The following NAALADL2 variants were observed in gnomAD, a reference collection of about 807,000 sequenced individuals.
The protein encoded by NAALADL2 is inactive N-acetylated-alpha-linked acidic dipeptidase-like protein 2.
NAALADL2 carries 76 observed loss-of-function variants against 87.2 expected under a neutral mutation model. The ratio of observed to expected loss-of-function variants is 0.87; its 90% CI spans 0.72 to 1.05. The LOEUF is 1.05. Ranked by LOEUF, NAALADL2 falls within the 50% of genes least tolerant of loss-of-function variation. NAALADL2 has a pLI of 0.00. For missense variants in NAALADL2, 1,089 were observed against 945.8 expected (o/e 1.15, Z -1.99); for synonymous variants, 354 against 331.0 (o/e 1.07, Z -0.75).
chr3:175,745,272 C>T (rs1289598408), intron 12 of NAALADL2, among the ~76,000 whole-genome samples: 1 of 152,118 alleles, frequency 6.6e-6, no homozygotes, highest in Admixed American at 6.5e-5. Context: ...ATGCCAAGCA[C>T]ATAATGGAGA....
chr3:175,241,532 C>A (rs557145369), intron 3 of NAALADL2, among the ~76,000 whole-genome samples: 1 of 152,212 alleles, frequency 6.6e-6, no homozygotes, highest in East Asian at 1.9e-4. Context: ...TTAATTACTT[C>A]TTTCATATTT....
At chr3:175,497,732 A>G (rs1017824886) in intron 9 of NAALADL2, among the ~76,000 whole-genome samples, 2 of 152,102 alleles carry the variant, frequency 1.3e-5, no homozygotes, top group Non-Finnish European at 2.9e-5. Context: ...CTACTATTTT[A>G]GTTAGAAAGT....
intron 9 of NAALADL2, 34 bp downstream of exon 9, chr3:175,471,792 G>C (rs775254042): frequency 3.9e-6 from 6 of 1,546,026 alleles, no homozygotes; most frequent in Middle Eastern, 1.7e-4. Flanking sequence ...AAATGATTAT[G>C]CAAAACCGAC....
chr3:175,169,832 T>C (rs1439023362), intron 2 of NAALADL2, among the ~76,000 whole-genome samples: 1 of 151,814 alleles, frequency 6.6e-6, no homozygotes, highest in East Asian at 1.9e-4. Flanking sequence ...TGGAGACACA[T>C]ATTTGTTAAG....
Position 175,310,933 on chromosome 3 carries a change from G to GA in NAALADL2, c.940-13232dup, listed in dbSNP as rs367981120. 8.4e-3 allele frequency among the ~76,000 whole-genome samples: 1,233 copies of GA among 146,994 alleles called. 17 individuals are homozygous for GA. The highest frequency in any genetic ancestry group is 0.028 in the African/African-American group (1,111 of 40,226). On this transcript the variant is annotated intron_variant, in intron 4 of 13. Transcript: ENST00000454872. ...CAAAAGAAGCAGCATGTCTACAGATGAAAAAAAAAAGTGCATGCAGTTGAT... is the reference window on the plus strand; with the variant it reads ...CAAAAGAAGCAGCATGTCTACAGATGAAAAAAAAAAAGTGCATGCAGTTGAT...
At chr3:174,871,925 C>T (rs1727877401) in intron 1 of NAALADL2, among the ~76,000 whole-genome samples, 1 of 146,290 alleles carries the variant, frequency 6.8e-6, no homozygotes, top group South Asian at 2.1e-4. Context: ...TAAATAAATA[C>T]CTTGTTTTAA....
At chr3:175,372,554 T>G (rs1316207430) in intron 5 of NAALADL2, among the ~76,000 whole-genome samples, 1 of 152,244 alleles carries the variant, frequency 6.6e-6, no homozygotes, top group Non-Finnish European at 1.5e-5. Context: ...ATTGTAATAT[T>G]CCACTTGGAG....
chr3:175,361,125 T>C (rs1012621596), intron 5 of NAALADL2, among the ~76,000 whole-genome samples: 1 of 152,030 alleles, frequency 6.6e-6, no homozygotes, highest in Non-Finnish European at 1.5e-5. Flanking sequence ...GGTGTTTGGT[T>C]TTCTGTCCTT....
intron 9 of NAALADL2, among the ~76,000 whole-genome samples, chr3:175,557,574 G>C (rs1235019999): frequency 6.6e-6 from 1 of 151,932 alleles, no homozygotes; most frequent in Non-Finnish European, 1.5e-5. Context: ...CCAGCCTCTG[G>C]TAACCATCCT....
At chr3:175,644,560 T>C (rs1729740627) in intron 11 of NAALADL2, among the ~76,000 whole-genome samples, 1 of 152,154 alleles carries the variant, frequency 6.6e-6, no homozygotes, top group Non-Finnish European at 1.5e-5. Context: ...TGTAGATGTA[T>C]AGGCTTGTTT....
chr3:174,632,720 G>T (rs1367027568), intron 2 of NAALADL2, among the ~76,000 whole-genome samples: 1 of 151,970 alleles, frequency 6.6e-6, no homozygotes, highest in Non-Finnish European at 1.5e-5. Context: ...CAGATTGCGA[G>T]GTCAGGAGAT....
intron 3 of NAALADL2, among the ~76,000 whole-genome samples, chr3:174,800,458 C>A (rs773338579): frequency 1.3e-5 from 2 of 152,202 alleles, no homozygotes. Context: ...GGTTTGGGAA[C>A]CTCCACCTAG....
At chr3:175,767,480 T>C (rs1748871920) in intron 13 of NAALADL2, 1 of 152,108 alleles carries the variant, frequency 6.6e-6, no homozygotes, top group Non-Finnish European at 1.5e-5. Flanking sequence ...AATCTAGATA[T>C]TCAAATTAGG....
At chr3:175,106,542 A>C (rs1723191322) in intron 2 of NAALADL2, among the ~76,000 whole-genome samples, 1 of 152,112 alleles carries the variant, frequency 6.6e-6, no homozygotes, top group Non-Finnish European at 1.5e-5. Context: ...CAAGGGAATA[A>C]CAAATGTTTT....
chr3:175,646,923 C>T (rs1438372722), intron 11 of NAALADL2, among the ~76,000 whole-genome samples: 1 of 151,994 alleles, frequency 6.6e-6, no homozygotes, highest in East Asian at 1.9e-4. Context: ...ACAAGGAGTT[C>T]AAAAGTCTCA....
At chr3:175,510,793 G>C (rs780939669) in intron 9 of NAALADL2, among the ~76,000 whole-genome samples, 5 of 151,970 alleles carry the variant, frequency 3.3e-5, no homozygotes, top group Non-Finnish European at 7.4e-5. Flanking sequence ...TTAAATCCCA[G>C]GTCTCCCACT....
At chr3:175,266,611 T>C (rs1411717754) in intron 4 of NAALADL2, among the ~76,000 whole-genome samples, 3 of 151,754 alleles carry the variant, frequency 2.0e-5, no homozygotes, top group Non-Finnish European at 4.4e-5. Context: ...CATAAGTAGA[T>C]AAAATACTCC....
intron 11 of NAALADL2, among the ~76,000 whole-genome samples, chr3:175,731,292 G>C (rs1743705616): frequency 6.6e-6 from 1 of 152,114 alleles, no homozygotes; most frequent in Admixed American, 6.6e-5. Flanking sequence ...GTGAGAATTA[G>C]AGAGAATGAT....
At chr3:174,885,786 A>G (rs1262391288) in intron 1 of NAALADL2, among the ~76,000 whole-genome samples, 1 of 151,096 alleles carries the variant, frequency 6.6e-6, no homozygotes, top group Admixed American at 6.6e-5. Flanking sequence ...GTCTAGCAGT[A>G]ACTAGCATAA....
Sources: gnomAD v4.1 joint callset for allele counts (sites outside exome capture counted in the v4.1 genomes callset) on GRCh38, gnomAD v4.1.1 for gene constraint, MANE v1.5 for transcripts, NCBI Gene and HGNC (gene_info 2026-07-23, HGNC 2026-07-21) for gene names.